Variants in ELP1 observed in about 807,000 individuals in gnomAD.
The protein encoded by ELP1 is elongator acetyltransferase complex subunit 1.
Under a neutral mutation model 183.2 loss-of-function variants are expected in ELP1, and 131 were observed. The ratio of observed to expected loss-of-function variants is 0.72; its 90% CI spans 0.62 to 0.83. ELP1 has a LOEUF of 0.83. ELP1 is among the 40% of genes least tolerant of loss of function. ELP1 has a pLI of 0.00. For synonymous variants in ELP1, 555 were observed against 569.0 expected (o/e 0.98, Z 0.35); for missense variants, 1,550 against 1,594.9 (o/e 0.97, Z 0.48).
At chr9:108,895,234 T>C (rs769024659) in intron 25 of ELP1, among the ~76,000 whole-genome samples, 1 of 151,852 alleles carries the variant, frequency 6.6e-6, no homozygotes, top group Non-Finnish European at 1.5e-5. Context: ...GTCTCAAAAA[T>C]AAATAAATAA....
intron 29 of ELP1, among the ~76,000 whole-genome samples, chr9:108,882,607 T>C (rs1188831093): frequency 6.6e-6 from 1 of 151,008 alleles, no homozygotes; most frequent in Non-Finnish European, 1.5e-5. Context: ...TTTTTTTTTT[T>C]TTTCTCAGAC....
intron 29 of ELP1, among the ~76,000 whole-genome samples, chr9:108,888,691 A>T (rs1199346607): frequency 6.6e-6 from 1 of 152,172 alleles, no homozygotes; most frequent in African/African-American, 2.4e-5. Context: ...ACAATTAAAT[A>T]TTTTTAAAGC....
intron 32 of ELP1, 135 bp from the exon 33 acceptor site, chr9:108,879,692 C>T (rs1302955685): frequency 2.8e-6 from 2 of 720,676 alleles, no homozygotes; most frequent in Admixed American, 4.1e-5. Context: ...CAAAGTTGAT[C>T]TCAAAATGAA....
intron 8 of ELP1, 24 bp from the exon 9 acceptor site, chr9:108,917,694 C>T (rs1829499832): frequency 1.2e-6 from 2 of 1,613,486 alleles, no homozygotes; most frequent in Non-Finnish European, 1.7e-6. Context: ...CAGAGTGTTA[C>T]AATATCGAAA....
At position 108,869,200 on chromosome 9, in the gene ELP1, A is replaced by C. The variant is rs767184876; in HGVS notation, c.3932-18T>G. 118 of 1,611,576 alleles carry C rather than the reference A, an allele frequency of 7.3e-5. No individual in the cohort carries two copies. The highest frequency in any genetic ancestry group is 9.8e-5 in the Non-Finnish European group (115 of 1,177,750). On this transcript the variant is annotated intron_variant, in intron 36 of 36. Coordinates refer to ENST00000374647, the MANE Select transcript of ELP1 (RefSeq NM_003640.5). ...CTCAGCATCTAAAAGCAAGAAAGGA[A>C]GGGAAATTGTGACAGACATACTCTT... is the stretch of plus-strand genomic sequence containing the variant.
chr9:108,918,798 T>C lies in ELP1; in HGVS notation c.740+13A>G. On this transcript the variant is annotated intron_variant, in intron 8 of 36. Coordinates refer to ENST00000374647, the MANE Select transcript of ELP1 (RefSeq NM_003640.5). The stretch of plus-strand genomic sequence containing the variant: ...GTTCCAAGAATTTCTCTAAGGTTTC[T>C]TCTCCCACTCACTTCCAAGCCAGGG... The C allele has an allele frequency of 1.9e-6, 3 of 1,600,752 alleles. No homozygotes were observed. Among genetic ancestry groups the C allele is most frequent in the Non-Finnish European group, 2.6e-6 (3 of 1,167,776 alleles).
intron 35 of ELP1, chr9:108,875,788 C>A: frequency 2.7e-6 from 1 of 373,824 alleles, no homozygotes; most frequent in Non-Finnish European, 5.2e-6. Flanking sequence ...CCTGTGGTCC[C>A]AATTACTCAG....
chr9:108,873,976 A>G (rs1433385629), intron 36 of ELP1, among the ~76,000 whole-genome samples: 1 of 152,216 alleles, frequency 6.6e-6, no homozygotes, highest in Non-Finnish European at 1.5e-5. Flanking sequence ...CAGTAGTTAC[A>G]GTCTGGATGT....
At chr9:108,923,524 C>T (rs1157806462) in intron 5 of ELP1, among the ~76,000 whole-genome samples, 1 of 152,180 alleles carries the variant, frequency 6.6e-6, no homozygotes, top group African/African-American at 2.4e-5. Context: ...TCACCCTCAC[C>T]TTATAAGTAA....
At chr9:108,908,279 G>C (rs147558955) in intron 13 of ELP1, 26 bp downstream of exon 13, 1 of 1,549,856 alleles carries the variant, frequency 6.5e-7, no homozygotes, top group South Asian at 1.1e-5. Context: ...TCTGTTCCCA[G>C]AAGCCCAAGA....
Position 108,912,374 on chromosome 9 carries a change from T to G in ELP1, c.1079A>C (p.His360Pro), listed in dbSNP as rs759585958. The G allele has an allele frequency of 5.6e-6, 9 of 1,614,142 alleles. No homozygotes were observed. Among genetic ancestry groups the G allele is most frequent in the Non-Finnish European group, 7.6e-6 (9 of 1,180,022 alleles). Residue 360 changes from histidine to proline, a missense_variant, in exon 11 of 37, where the codon CAT becomes CCT. By Grantham distance (77) the His-to-Pro change is moderately conservative. Transcript: ENST00000374647. ...GTAATGCCAGCCCTGACAGAGAACATGCAGCCGGTATGGGGTCACAGGGTC... is the reference window on the plus strand; with the variant it reads ...GTAATGCCAGCCCTGACAGAGAACAGGCAGCCGGTATGGGGTCACAGGGTC... ...MWDPVTPYRL[H>P]VLCQGWHYLA...
At chr9:108,873,118 T>G (rs886347724) in intron 36 of ELP1, among the ~76,000 whole-genome samples, 2 of 152,224 alleles carry the variant, frequency 1.3e-5, no homozygotes, top group Admixed American at 6.5e-5. Flanking sequence ...TCAAAATCAT[T>G]TGAAGCACTT....
chr9:108,900,138 GA>G, intron 19 of ELP1, 121 bp downstream of exon 19: 2 of 833,830 alleles, frequency 2.4e-6, no homozygotes, highest in Non-Finnish European at 2.0e-6. Flanking sequence ...AACTATCAAG[GA>G]AAGGTTTACA....
intron 28 of ELP1, among the ~76,000 whole-genome samples, chr9:108,890,371 A>G (rs554129045): frequency 9.8e-5 from 15 of 152,382 alleles, no homozygotes; most frequent in East Asian, 1.9e-4. Context: ...GGACTGGTAC[A>G]TAAATTTAAC....
At chr9:108,899,712 G>A (rs1828696239) in intron 20 of ELP1, 110 bp downstream of exon 20, 3 of 828,210 alleles carry the variant, frequency 3.6e-6, no homozygotes, top group African/African-American at 1.7e-5. Context: ...GATGATATAG[G>A]TAATGAGGGC....
At chr9:108,893,678 G>T (rs763356143) in intron 26 of ELP1, among the ~76,000 whole-genome samples, 14 of 152,190 alleles carry the variant, frequency 9.2e-5, no homozygotes, top group Non-Finnish European at 1.5e-4. Flanking sequence ...CTGAGACACT[G>T]AAGTTAACTT....
At chr9:108,879,607 G>T in intron 32 of ELP1, 50 bp from the exon 33 acceptor site, 1 of 1,345,528 alleles carries the variant, frequency 7.4e-7, no homozygotes, top group Non-Finnish European at 1.1e-6. Flanking sequence ...GCTAATGTGT[G>T]GGTTTACTTT....
In ELP1 at chr9:108,868,455, T is replaced by C; in HGVS notation, c.*660A>G. On this transcript the variant is annotated 3_prime_UTR_variant, in exon 37 of 37. Coordinates refer to ENST00000374647, the MANE Select transcript of ELP1 (RefSeq NM_003640.5). ...CACTCACACCAACTGTGCATGATAC[T>C]GTTTAGAAATTCTAATCTGTTCTAG... The C allele has an allele frequency of 2.9e-6, 1 of 339,820 alleles. No homozygotes were observed. 21.1% of individuals were successfully genotyped at this position (339,820 alleles called of 1,614,324 possible). A position where few individuals can be genotyped will look rare whatever the true frequency, so the allele number is the denominator to read the frequency against.
At position 108,903,824 on chromosome 9, in the gene ELP1, TACACACACAC is replaced by T. The variant is rs3835305; in HGVS notation, c.1644-165_1644-156del. Among the ~76,000 whole-genome samples the T allele has an allele frequency of 1.9e-3, 290 of 150,684 alleles. 2 individuals carry two copies. The highest frequency in any genetic ancestry group is 0.014 in the South Asian group (68 of 4,760). ...ATACATATATACACACCCAATACTA[TACACACACAC>T]ACACACACACACACACACTTATACA... is the stretch of plus-strand genomic sequence containing the variant. On this transcript the variant is annotated intron_variant, in intron 14 of 36. Transcript: ENST00000374647.
Sources: allele counts gnomAD v4.1 joint callset (sites outside exome capture counted in the v4.1 genomes callset), GRCh38; gene constraint gnomAD v4.1.1; transcripts MANE v1.5; gene names NCBI Gene and HGNC (gene_info 2026-07-23, HGNC 2026-07-21).